The following FAM78B variants were observed in gnomAD, a reference collection of about 807,000 sequenced individuals.
The protein encoded by FAM78B is protein FAM78B.
In FAM78B, 10 loss-of-function variants were observed where a neutral mutation model predicts 20.0. The observed-to-expected ratio is 0.50, with a 90% CI of 0.31 to 0.85. The LOEUF is 0.85. FAM78B is among the 40% of genes least tolerant of loss of function. The pLI is 0.05. For synonymous variants in FAM78B, 135 were observed against 132.8 expected (o/e 1.02, Z -0.12); for missense variants, 283 against 345.0 (o/e 0.82, Z 1.42).
chr1:166,164,806 T>C (rs942767125), intron 1 of FAM78B: 2 of 151,876 alleles, frequency 1.3e-5, no homozygotes, highest in Non-Finnish European at 2.9e-5. Flanking sequence ...AGCTCTAGAG[T>C]TTTAGATTAA....
At chr1:166,109,858 A>G (rs866467251) in intron 1 of FAM78B, among the ~76,000 whole-genome samples, 1,831 of 28,062 alleles carry the variant, frequency 0.065, 309 homozygotes, top group African/African-American at 0.18. Context: ...ATATATATAT[A>G]TATGTATGTG....
chr1:166,142,771 G>A (rs757400903), intron 1 of FAM78B, among the ~76,000 whole-genome samples: 10 of 152,188 alleles, frequency 6.6e-5, no homozygotes, highest in Non-Finnish European at 1.2e-4. Flanking sequence ...GTAATGGGTC[G>A]TAAAAAGTGG....
At position 166,070,709 on chromosome 1, in the gene FAM78B, G is replaced by C; in HGVS notation, c.318C>G (p.Asp106Glu). 1 of 1,607,296 alleles carries C rather than the reference G, an allele frequency of 6.2e-7. No homozygotes were observed. The highest frequency in any genetic ancestry group is 8.5e-7 in the Non-Finnish European group (1 of 1,176,650). ...ACCAAGGGTAGCTCACCCCATCTGAGTCACTGATGGCTTTTACTCTCCCTT... is the reference window on the plus strand; with the variant it reads ...ACCAAGGGTAGCTCACCCCATCTGACTCACTGATGGCTTTTACTCTCCCTT... ...LREGRVKAIS[D>E]SDGVSYPWYG... The change falls in exon 2 of 2, where the codon GAC (aspartate) becomes GAG (glutamate). Residue 106 changes from aspartate (D) to glutamate (E), a missense_variant. Transcript: ENST00000354422.
downstream of FAM78B, among the ~76,000 whole-genome samples, chr1:166,067,206 G>T (rs923459996): frequency 1.3e-5 from 2 of 151,968 alleles, no homozygotes; most frequent in Admixed American, 1.3e-4. Context: ...ATGAAATTTG[G>T]GAGATGGGGC....
chr1:166,138,839 C>T (rs919972570), intron 1 of FAM78B, among the ~76,000 whole-genome samples: 3 of 152,160 alleles, frequency 2.0e-5, no homozygotes, highest in African/African-American at 7.2e-5. Flanking sequence ...TAGAATAGTG[C>T]CTTGCACATG....
At chr1:166,097,643 T>C (rs946871799) in intron 1 of FAM78B, among the ~76,000 whole-genome samples, 2 of 152,068 alleles carry the variant, frequency 1.3e-5, no homozygotes, top group South Asian at 4.1e-4. Context: ...TATATGACTC[T>C]ACAGAGGGAG....
At chr1:166,142,564 A>C (rs1655318386) in intron 1 of FAM78B, among the ~76,000 whole-genome samples, 1 of 152,176 alleles carries the variant, frequency 6.6e-6, no homozygotes, top group Non-Finnish European at 1.5e-5. Flanking sequence ...TTGAGGATTG[A>C]CCACAAAACA....
At chr1:166,075,920 C>T (rs999352318) in intron 1 of FAM78B, among the ~76,000 whole-genome samples, 1 of 152,188 alleles carries the variant, frequency 6.6e-6, no homozygotes, top group Non-Finnish European at 1.5e-5. Flanking sequence ...TGGAGTCACT[C>T]TTGGCCACTC....
At chr1:166,083,039 C>T (rs2101725814) in intron 1 of FAM78B, among the ~76,000 whole-genome samples, 1 of 152,346 alleles carries the variant, frequency 6.6e-6, no homozygotes, top group South Asian at 2.1e-4. Flanking sequence ...GTATCCTCTA[C>T]TTGCAGCCCT....
At chr1:166,134,906 A>T (rs1366776313) in intron 1 of FAM78B, among the ~76,000 whole-genome samples, 1 of 152,236 alleles carries the variant, frequency 6.6e-6, no homozygotes, top group Non-Finnish European at 1.5e-5. Context: ...CCTACAGCGT[A>T]AAGTACTGCT....
intron 1 of FAM78B, among the ~76,000 whole-genome samples, chr1:166,082,313 A>C (rs1652614730): frequency 6.6e-6 from 1 of 152,030 alleles, no homozygotes; most frequent in Non-Finnish European, 1.5e-5. Context: ...GGGCCTTTGG[A>C]TTTGCTGTTC....
At chr1:166,108,539 C>A (rs370376961) in intron 1 of FAM78B, among the ~76,000 whole-genome samples, 2 of 152,102 alleles carry the variant, frequency 1.3e-5, no homozygotes, top group Non-Finnish European at 2.9e-5. Context: ...ACACATCCCA[C>A]GCTTATGGAT....
chr1:166,129,072 C>T (rs939162993), intron 1 of FAM78B, among the ~76,000 whole-genome samples: 3 of 152,174 alleles, frequency 2.0e-5, no homozygotes, highest in Non-Finnish European at 4.4e-5. Context: ...ATGTGGGGAT[C>T]CTGCTCACAT....
At chr1:166,132,667 A>G (rs561499596) in intron 1 of FAM78B, among the ~76,000 whole-genome samples, 2 of 152,296 alleles carry the variant, frequency 1.3e-5, no homozygotes, top group South Asian at 4.1e-4. Context: ...CCACCTAATT[A>G]GACAAAAATT....
chr1:166,064,044 G>C (rs1557885297), intron 2 of FAM78B, among the ~76,000 whole-genome samples: 1 of 152,192 alleles, frequency 6.6e-6, no homozygotes, highest in Admixed American at 6.5e-5. Flanking sequence ...GAGAGGCACA[G>C]TTTGGGGTAT....
chr1:166,084,235 A>ACTCT (rs1482456707), intron 1 of FAM78B, among the ~76,000 whole-genome samples: 1 of 119,966 alleles, frequency 8.3e-6, no homozygotes, highest in Non-Finnish European at 1.9e-5. Flanking sequence ...ACACACACAC[A>ACTCT]CACTCTCTCT....
chr1:166,147,293 C>G (rs1272071302), intron 1 of FAM78B, among the ~76,000 whole-genome samples: 1 of 152,188 alleles, frequency 6.6e-6, no homozygotes, highest in Non-Finnish European at 1.5e-5. Flanking sequence ...GCTGTGGTTT[C>G]AGAGACAAAA....
At chr1:166,081,139 G>GCGCACAAGGAGGCATTTT (rs1285331103) in intron 1 of FAM78B, 2 of 152,102 alleles carry the variant, frequency 1.3e-5, no homozygotes, top group African/African-American at 4.8e-5. Flanking sequence ...TTTCTTTTTG[G>GCGCACAAGGAGGCATTTT]CGCACAAGGA....
chr1:166,162,053 T>C (rs532286309), intron 1 of FAM78B, among the ~76,000 whole-genome samples: 1 of 152,096 alleles, frequency 6.6e-6, no homozygotes, highest in Admixed American at 6.5e-5. Context: ...AGCGGAAAAA[T>C]AGCATAGAAG....
Sources: allele counts gnomAD v4.1 joint callset (sites outside exome capture counted in the v4.1 genomes callset), GRCh38; gene constraint gnomAD v4.1.1; transcripts MANE v1.5; gene names NCBI Gene and HGNC (gene_info 2026-07-23, HGNC 2026-07-21).